Variants in DHX57 observed in about 807,000 individuals in gnomAD.
DHX57 encodes the protein putative ATP-dependent RNA helicase DHX57.
In DHX57, 105 loss-of-function variants were observed where a neutral mutation model predicts 156.2. That is an observed-to-expected ratio of 0.67 (90% CI 0.57 to 0.79). The LOEUF (loss-of-function observed/expected upper bound fraction) is 0.79. DHX57 is among the 30% of genes least tolerant of loss of function. The pLI is 0.00. For synonymous variants in DHX57, 704 were observed against 595.6 expected (o/e 1.18, Z -2.65); for missense variants, 1,847 against 1,661.9 (o/e 1.11, Z -1.94).
At position 38,868,322 on chromosome 2, in the gene DHX57, A is replaced by C; in HGVS notation, c.84T>G (p.Ser28Arg). 1.9e-6 allele frequency: 3 copies of C among 1,608,450 alleles called. No individual in the cohort carries two copies. Among genetic ancestry groups the C allele is most frequent in the Non-Finnish European group, 2.5e-6 (3 of 1,177,588 alleles). The stretch of plus-strand genomic sequence containing the variant: ...CACTCCCATGAGATTTACTGGCGTG[A>C]CTCCTGCCTCCTCTTCCTCCTCTAG... Reference protein sequence around the residue: ...GSSRGGRGGRSHASKSHGSGG... With the variant: ...GSSRGGRGGRRHASKSHGSGG... The change falls in exon 2 of 24, where the codon AGT becomes AGG. Residue 28 changes from serine (S) to arginine (R), a missense_variant. Physicochemically the swap from Ser to Arg is moderately radical, Grantham distance 110 (BLOSUM62 -1). Coordinates refer to ENST00000457308, the MANE Select transcript of DHX57 (RefSeq NM_198963.3).
At chr2:38,845,230 T>C (rs966763377) in intron 11 of DHX57, among the ~76,000 whole-genome samples, 2 of 151,764 alleles carry the variant, frequency 1.3e-5, no homozygotes, top group South Asian at 2.1e-4. Flanking sequence ...AAAACCCATA[T>C]ATATATATAT....
rs774033180 is a variant in DHX57 at position 38,861,858 on chromosome 2, C to T, written c.573-21G>A. 7 of 1,551,770 alleles carry T rather than the reference C, an allele frequency of 4.5e-6. No individual in the cohort carries two copies. In the African/African-American group the frequency reaches 8.3e-5, roughly 18 times the overall value. On this transcript the variant is annotated intron_variant, in intron 4 of 23. Transcript: ENST00000457308. ...CATACCTGTCAAGGGCAAAACATGA[C>T]AAAAATGACACATAAAAAGCAGTAT...
At chr2:38,814,872 G>A (rs1472217064) in intron 20 of DHX57, among the ~76,000 whole-genome samples, 5 of 151,814 alleles carry the variant, frequency 3.3e-5, no homozygotes, top group Admixed American at 2.6e-4. Context: ...ACAGGCATGT[G>A]CTACCATGCC....
intron 13 of DHX57, among the ~76,000 whole-genome samples, chr2:38,832,886 A>G (rs993117320): frequency 6.6e-6 from 1 of 151,666 alleles, no homozygotes; most frequent in African/African-American, 2.4e-5. Flanking sequence ...CATTACATTC[A>G]TTTATTCATG....
intron 17 of DHX57, among the ~76,000 whole-genome samples, chr2:38,821,864 T>C (rs929314887): frequency 6.6e-5 from 10 of 152,162 alleles, no homozygotes; most frequent in Non-Finnish European, 1.3e-4. Flanking sequence ...AGGGACATTA[T>C]GAATAATTAT....
At chr2:38,832,546 TATA>T (rs139813499) in intron 13 of DHX57, among the ~76,000 whole-genome samples, 35,172 of 80,034 alleles carry the variant, frequency 0.44, 4,453 homozygotes, top group South Asian at 0.56. Flanking sequence ...TATATATATA[TATA>T]TATTTTTTTT....
At chr2:38,837,977 G>T (rs747641816) in intron 12 of DHX57, 30 bp from the exon 13 acceptor site, 1 of 1,352,040 alleles carries the variant, frequency 7.4e-7, no homozygotes, top group Non-Finnish European at 1.1e-6. Flanking sequence ...AAATGAGAAG[G>T]ATATTTATAC....
chr2:38,819,092 G>A lies in DHX57; in HGVS notation c.3344C>T (p.Ala1115Val), dbSNP rs372962315. Residue 1115 changes from alanine (A) to valine (V), a missense_variant, in exon 18 of 24, where the codon GCA (alanine) becomes GTA (valine). Transcript: ENST00000457308. The stretch of plus-strand genomic sequence containing the variant: ...GGCCAGATAATCACTGTTTGCGAAT[G>A]CAAATTCCAGCTTTTTCTGGTTAGC... Reference protein sequence around the residue: ...EEANQKKLEFAFANSDYLALL... With the variant: ...EEANQKKLEFVFANSDYLALL... 8.1e-6 allele frequency: 13 copies of A among 1,614,004 alleles called. 1 individual carries two copies. The African/African-American group carries it at 1.7e-4, about 22-fold the overall frequency.
At chr2:38,802,565 G>C in intron 23 of DHX57, 150 bp downstream of exon 23, 1 of 940,060 alleles carries the variant, frequency 1.1e-6, no homozygotes, top group Non-Finnish European at 1.6e-6. Flanking sequence ...TGGGATTATA[G>C]GTGTGAGCCA....
At position 38,815,665 on chromosome 2, in the gene DHX57, G is replaced by T; in HGVS notation, c.3472-10C>A. 2 of 1,613,956 alleles carry T rather than the reference G, an allele frequency of 1.2e-6. No homozygotes were observed. The highest frequency in any genetic ancestry group is 1.7e-6 in the Non-Finnish European group (2 of 1,179,980). On this transcript the variant is annotated splice_polypyrimidine_tract_variant and intron_variant, in intron 19 of 23. Coordinates refer to ENST00000457308, the MANE Select transcript of DHX57 (RefSeq NM_198963.3). Reference sequence around the variant, plus strand: ...TGAGGCTGGCCATTTCCTGAAAGAAGTGGAAAAACCTTTAAGCAAGGGCAT... The same window carrying T: ...TGAGGCTGGCCATTTCCTGAAAGAATTGGAAAAACCTTTAAGCAAGGGCAT...
Position 38,862,188 on chromosome 2 carries a change from G to A in DHX57, c.529C>T (p.Pro177Ser). 2 of 1,612,114 alleles carry A rather than the reference G, an allele frequency of 1.2e-6. No individual in the cohort carries two copies. The highest frequency in any genetic ancestry group is 1.1e-5 in the South Asian group (1 of 90,742). ...AGLASVEPYVPEFTVSPFAVQ... is the reference protein window; with the variant it reads ...AGLASVEPYVSEFTVSPFAVQ... ...GCAAATGGGGAGACTGTAAATTCTGGAACATAAGGCTCCACTGAGGCTAAG... is the reference window on the plus strand; with the variant it reads ...GCAAATGGGGAGACTGTAAATTCTGAAACATAAGGCTCCACTGAGGCTAAG... Residue 177 changes from proline to serine, a missense_variant, in exon 4 of 24, where the codon CCA becomes TCA. Pro to Ser is a moderately conservative substitution (Grantham distance 74, BLOSUM62 -1). Coordinates refer to ENST00000457308, the MANE Select transcript of DHX57 (RefSeq NM_198963.3).
chr2:38,860,422 T>C (rs543076697), intron 5 of DHX57, among the ~76,000 whole-genome samples: 1 of 152,192 alleles, frequency 6.6e-6, no homozygotes, highest in Non-Finnish European at 1.5e-5. Context: ...GCACTCCAGC[T>C]TGGGGGACAA....
At chr2:38,839,701 C>T (rs1302442089) in intron 12 of DHX57, among the ~76,000 whole-genome samples, 2 of 144,376 alleles carry the variant, frequency 1.4e-5, no homozygotes, top group Admixed American at 7.0e-5. Flanking sequence ...TGCTGGGCGA[C>T]AGAGCAAGAC....
intron 1 of DHX57, among the ~76,000 whole-genome samples, chr2:38,875,135 C>G (rs776457968): frequency 1.3e-5 from 2 of 152,176 alleles, no homozygotes; most frequent in South Asian, 2.1e-4. Flanking sequence ...GTAATGGTGT[C>G]CAATACCACT....
At chr2:38,819,814 C>T (rs1473100254) in intron 17 of DHX57, among the ~76,000 whole-genome samples, 2 of 152,144 alleles carry the variant, frequency 1.3e-5, no homozygotes, top group African/African-American at 2.4e-5. Context: ...GCTTCTATAC[C>T]CATAACTAGT....
intron 8 of DHX57, 31 bp downstream of exon 8, chr2:38,855,026 T>C (rs1672814151): frequency 6.2e-7 from 1 of 1,613,926 alleles, no homozygotes; most frequent in Non-Finnish European, 8.5e-7. Flanking sequence ...CATAAATTTC[T>C]GTTACCAGGA....
chr2:38,861,706 G>T lies in DHX57; in HGVS notation c.704C>A (p.Ala235Glu). 1 of 1,614,118 alleles carries T rather than the reference G, an allele frequency of 6.2e-7. No individual in the cohort carries two copies. The highest frequency in any genetic ancestry group is 1.1e-5 in the South Asian group (1 of 91,078). ...CTCATCCAAGCTTATCTGGTTGACT[G>T]CCTCAGAGATCTTCATCCTCTCTCC... ...TFGERMKISE[A>E]VNQISLDECM... The change falls in exon 5 of 24, where the codon GCA becomes GAA. Residue 235 changes from alanine to glutamate, a missense_variant. Coordinates refer to ENST00000457308, the MANE Select transcript of DHX57 (RefSeq NM_198963.3).
At position 38,802,743 on chromosome 2, in the gene DHX57, C is replaced by G; in HGVS notation, c.3989G>C (p.Trp1330Ser). 1 of 1,614,088 alleles carries G rather than the reference C, an allele frequency of 6.2e-7. No individual in the cohort carries two copies. The highest frequency in any genetic ancestry group is 8.5e-7 in the Non-Finnish European group (1 of 1,180,018). Residue 1330 changes from tryptophan to serine, a missense_variant, in exon 23 of 24, where the codon TGG becomes TCG. Transcript: ENST00000457308. ...GEFVVSLDDG[W>S]IRFVAASHQV... ...ATGGGAAGCAGCTACAAAACGGATC[C>G]AACCATCATCCAGGGAGACAACGAA... is the stretch of plus-strand genomic sequence containing the variant.
chr2:38,834,399 A>G (rs764921985), intron 13 of DHX57, among the ~76,000 whole-genome samples: 1 of 151,938 alleles, frequency 6.6e-6, no homozygotes, highest in Admixed American at 6.6e-5. Context: ...AATACAGTAT[A>G]CTACTGTAAT....
Sources: gnomAD v4.1 joint callset for allele counts (sites outside exome capture counted in the v4.1 genomes callset) on GRCh38, gnomAD v4.1.1 for gene constraint, MANE v1.5 for transcripts, NCBI Gene and HGNC (gene_info 2026-07-23, HGNC 2026-07-21) for gene names.